Variants in AGBL1 observed in about 807,000 individuals in gnomAD.
The protein encoded by AGBL1 is cytosolic carboxypeptidase 4.
A neutral mutation model predicts 118.9 loss-of-function variants in AGBL1; 130 were observed. That is an observed-to-expected ratio of 1.09 (90% CI 0.95 to 1.26). The LOEUF (loss-of-function observed/expected upper bound fraction) is 1.26, where lower values mean the gene tolerates loss of function less well. Ranked by LOEUF, AGBL1 falls within the 50% of genes most tolerant of loss-of-function variation. The probability of loss-of-function intolerance (pLI) is 0.00; values close to 1 mark genes in which losing one functional copy is unlikely to be tolerated. For synonymous variants in AGBL1, 555 were observed against 478.9 expected (o/e 1.16, Z -2.08); for missense variants, 1,584 against 1,298.1 (o/e 1.22, Z -3.38).
chr15:86,300,807 G>A (rs1296028149), intron 17 of AGBL1, among the ~76,000 whole-genome samples: 3 of 152,062 alleles, frequency 2.0e-5, no homozygotes, highest in East Asian at 3.9e-4. Context: ...TCTTACAAAA[G>A]CAATGTTCTA....
intron 24 of AGBL1, among the ~76,000 whole-genome samples, chr15:87,018,005 CA>C (rs1261516179): frequency 7.5e-6 from 1 of 133,974 alleles, no homozygotes; most frequent in Non-Finnish European, 1.5e-5. Context: ...AATGCAATCA[CA>C]AGTATCAATA....
At chr15:86,480,153 T>C (rs2082631132) in intron 18 of AGBL1, among the ~76,000 whole-genome samples, 1 of 152,294 alleles carries the variant, frequency 6.6e-6, no homozygotes, top group Non-Finnish European at 1.5e-5. Flanking sequence ...AGTTAATGTG[T>C]GTAGCACACC....
chr15:86,470,622 T>G (rs2082467296), intron 18 of AGBL1, among the ~76,000 whole-genome samples: 1 of 152,186 alleles, frequency 6.6e-6, no homozygotes, highest in South Asian at 2.1e-4. Context: ...TGTAGATCAC[T>G]TGTAGCATGG....
chr15:86,892,515 T>C (rs1000230746), intron 22 of AGBL1, among the ~76,000 whole-genome samples: 1 of 152,200 alleles, frequency 6.6e-6, no homozygotes, highest in Non-Finnish European at 1.5e-5. Context: ...CTATGCCATG[T>C]GCAGCTTTAA....
At chr15:86,947,511 C>A (rs553763546) in intron 23 of AGBL1, among the ~76,000 whole-genome samples, 1 of 151,952 alleles carries the variant, frequency 6.6e-6, no homozygotes, top group Non-Finnish European at 1.5e-5. Context: ...GGCTTCAGGG[C>A]GAAAACAGAA....
At chr15:86,449,358 A>G (rs1319552358) in intron 18 of AGBL1, among the ~76,000 whole-genome samples, 1 of 152,238 alleles carries the variant, frequency 6.6e-6, no homozygotes, top group African/African-American at 2.4e-5. Flanking sequence ...GAAAAATCCA[A>G]GGCAACTCAT....
chr15:86,102,465 A>C (rs958196168), intron 1 of AGBL1, among the ~76,000 whole-genome samples: 2 of 152,160 alleles, frequency 1.3e-5, no homozygotes, highest in African/African-American at 4.8e-5. Context: ...TTTCTTGCAG[A>C]GTCAGTCTAG....
chr15:86,239,644 G>C (rs566005546), intron 6 of AGBL1, among the ~76,000 whole-genome samples: 10 of 152,208 alleles, frequency 6.6e-5, no homozygotes, highest in African/African-American at 2.4e-4. Context: ...CTATTTATTT[G>C]GGTCTTTAAA....
intron 18 of AGBL1, among the ~76,000 whole-genome samples, chr15:86,464,681 G>C (rs1356421182): frequency 6.6e-6 from 1 of 151,944 alleles, no homozygotes; most frequent in African/African-American, 2.4e-5. Context: ...GGTCTTTTTT[G>C]CATCTATTGA....
At chr15:86,377,881 A>G (rs2081061398) in intron 17 of AGBL1, among the ~76,000 whole-genome samples, 1 of 152,168 alleles carries the variant, frequency 6.6e-6, no homozygotes, top group African/African-American at 2.4e-5. Context: ...TTGCCTGAAG[A>G]TAAAAACTCA....
intron 17 of AGBL1, among the ~76,000 whole-genome samples, chr15:86,308,388 A>G (rs944884996): frequency 9.2e-5 from 14 of 152,188 alleles, no homozygotes; most frequent in African/African-American, 3.4e-4. Context: ...ATGTGAGGAC[A>G]CTGAGAGAAG....
At chr15:86,519,240 A>G (rs1019417440) in intron 18 of AGBL1, among the ~76,000 whole-genome samples, 11 of 152,142 alleles carry the variant, frequency 7.2e-5, no homozygotes, top group African/African-American at 2.7e-4. Flanking sequence ...AGGGCCAACT[A>G]TAGCAATAAT....
chr15:86,498,348 T>G (rs752213373), intron 18 of AGBL1, among the ~76,000 whole-genome samples: 2 of 151,930 alleles, frequency 1.3e-5, no homozygotes, highest in Non-Finnish European at 2.9e-5. Context: ...TAAATACTCA[T>G]TTGAGTGCCT....
At chr15:86,577,816 G>T (rs1459693858) in intron 21 of AGBL1, among the ~76,000 whole-genome samples, 1 of 131,722 alleles carries the variant, frequency 7.6e-6, no homozygotes, top group African/African-American at 3.0e-5. Flanking sequence ...TTGAGCCTGT[G>T]AGTGCACAGA....
At chr15:86,773,192 G>A (rs184845226) in intron 22 of AGBL1, among the ~76,000 whole-genome samples, 3 of 152,106 alleles carry the variant, frequency 2.0e-5, no homozygotes, top group East Asian at 1.9e-4. Context: ...TTTGGTTCTT[G>A]GCTTTGAGAA....
chr15:86,416,849 A>T (rs144551326), intron 18 of AGBL1, among the ~76,000 whole-genome samples: 2 of 152,334 alleles, frequency 1.3e-5, no homozygotes, highest in East Asian at 3.9e-4. Flanking sequence ...TAGCAATTCG[A>T]TGCTATGTAA....
At chr15:86,309,825 G>C (rs2079893287) in intron 17 of AGBL1, among the ~76,000 whole-genome samples, 1 of 152,082 alleles carries the variant, frequency 6.6e-6, no homozygotes, top group Admixed American at 6.6e-5. Flanking sequence ...CTCAAATTTT[G>C]TTTGCTAGTA....
chr15:86,745,098 T>C (rs2077736587), intron 22 of AGBL1, among the ~76,000 whole-genome samples: 1 of 152,216 alleles, frequency 6.6e-6, no homozygotes, highest in South Asian at 2.1e-4. Context: ...TTCTTATATA[T>C]GTAGCACCAA....
At position 86,530,478 on chromosome 15, in the gene AGBL1, A is replaced by C. The variant is rs968955534; in HGVS notation, c.2685+7539A>C. On this transcript the variant is annotated intron_variant, in intron 19 of 22. Transcript: ENST00000614907. ...ATAAAGCAAGTCCTGAGTGACCTACAAAGAGACTTAGACTCCCACACATTA... is the reference window on the plus strand; with the variant it reads ...ATAAAGCAAGTCCTGAGTGACCTACCAAGAGACTTAGACTCCCACACATTA... Among the ~76,000 whole-genome samples the C allele has an allele frequency of 3.4e-3, 460 of 134,102 alleles. 1 individual carries two copies. The highest frequency in any genetic ancestry group is 3.8e-3 in the Non-Finnish European group (248 of 64,992). The allele number at this position is 134,102 out of a possible 152,430, so 88.0% of individuals were successfully genotyped here.
Sources: allele counts gnomAD v4.1 joint callset (sites outside exome capture counted in the v4.1 genomes callset), GRCh38; gene constraint gnomAD v4.1.1; transcripts MANE v1.5; gene names NCBI Gene and HGNC (gene_info 2026-07-23, HGNC 2026-07-21).